PPP1R36: variants seen among roughly 807,000 people sequenced by gnomAD.
PPP1R36 encodes protein phosphatase 1 regulatory subunit 36.
In PPP1R36, 47 loss-of-function variants were observed where a neutral mutation model predicts 53.4. The observed-to-expected ratio is 0.88, with a 90% CI of 0.70 to 1.12. PPP1R36 has a LOEUF of 1.12. Among genes scored for constraint, PPP1R36 ranks in the 50% most tolerant of loss-of-function variants. The pLI is 0.00. For synonymous variants in PPP1R36, 153 were observed against 170.5 expected (o/e 0.90, Z 0.80); for missense variants, 456 against 513.9 (o/e 0.89, Z 1.09).
At chr14:64,573,278 A>C (rs191768560) in intron 7 of PPP1R36, among the ~76,000 whole-genome samples, 1 of 152,326 alleles carries the variant, frequency 6.6e-6, no homozygotes, top group African/African-American at 2.4e-5. Flanking sequence ...TTTGCAATTC[A>C]ATTGGAACTG....
At chr14:64,585,516 CAAAAAA>C (rs57102182) in intron 8 of PPP1R36, among the ~76,000 whole-genome samples, 47,548 of 109,172 alleles carry the variant, frequency 0.44, 9,789 homozygotes, top group East Asian at 0.65. Context: ...GACCCTGTCT[CAAAAAA>C]AAAAAAAAAA....
At chr14:64,551,800 C>T (rs1235335822) in intron 2 of PPP1R36, 1 of 370,596 alleles carries the variant, frequency 2.7e-6, no homozygotes, top group Non-Finnish European at 5.4e-6. Flanking sequence ...CAGGAACTAT[C>T]TTATTCATCC....
chr14:64,582,307 C>T (rs773469120), intron 8 of PPP1R36, among the ~76,000 whole-genome samples: 21 of 152,200 alleles, frequency 1.4e-4, no homozygotes, highest in Non-Finnish European at 2.8e-4. Context: ...GCCCAGAACC[C>T]TGGGTCTAGA....
At chr14:64,551,809 C>T in intron 2 of PPP1R36, 1 of 353,508 alleles carries the variant, frequency 2.8e-6, no homozygotes, top group Non-Finnish European at 5.6e-6. Flanking sequence ...TCTTATTCAT[C>T]CTCAGGTCTC....
In PPP1R36 at chr14:64,564,763, A is replaced by G; in HGVS notation, c.195A>G (p.Ala65=). The G allele has an allele frequency of 6.2e-7, 1 of 1,610,830 alleles. No homozygotes were observed. Among genetic ancestry groups the G allele is most frequent in the Non-Finnish European group, 8.5e-7 (1 of 1,178,826 alleles). Residue 65 remains alanine (A), a synonymous_variant, in exon 4 of 12, where the codon GCA becomes GCG. Coordinates refer to ENST00000298705, the MANE Select transcript of PPP1R36 (RefSeq NM_172365.3). ...ATTTTTATTGCAGTTTTACACCTGC[A>G]GCAGAAGTCAAGGAAAAAGGAAAGA... ...LLKHHPHFTP[A]AEVKEKGKKG...
chr14:64,587,570 C>T (rs991371817), intron 10 of PPP1R36, among the ~76,000 whole-genome samples, 198 bp downstream of exon 10: 22 of 147,140 alleles, frequency 1.5e-4, no homozygotes, highest in African/African-American at 5.5e-4. Context: ...AAGCAATTCT[C>T]CTGTCTCAGC....
chr14:64,561,193 C>G (rs551197860), intron 3 of PPP1R36, among the ~76,000 whole-genome samples: 2 of 152,284 alleles, frequency 1.3e-5, no homozygotes, highest in African/African-American at 2.4e-5. Flanking sequence ...TTTATACCCA[C>G]TAGCCAAGAG....
chr14:64,588,086 C>G lies in PPP1R36; in HGVS notation c.891-18C>G. On this transcript the variant is annotated intron_variant, in intron 10 of 11. Coordinates refer to ENST00000298705, the MANE Select transcript of PPP1R36 (RefSeq NM_172365.3). ...AAACAGGGTGATATGACCTAAATGT[C>G]ACCTTCCTCCCCGACAGGAGAATGA... 3 of 1,580,856 alleles carry G rather than the reference C, an allele frequency of 1.9e-6. No homozygotes were observed. The highest frequency in any genetic ancestry group is 2.6e-6 in the Non-Finnish European group (3 of 1,161,902).
At chr14:64,583,900 CTTT>C (rs912391508) in intron 8 of PPP1R36, among the ~76,000 whole-genome samples, 18 of 120,082 alleles carry the variant, frequency 1.5e-4, no homozygotes, top group Middle Eastern at 4.8e-3. Flanking sequence ...GTTACCTCCT[CTTT>C]TTTTTTTTTT....
rs1023388923 is a variant in PPP1R36 at position 64,567,692 on chromosome 14, C to T, written c.435-657C>T. Among the ~76,000 whole-genome samples, 5 of 151,936 alleles carry T rather than the reference C, an allele frequency of 3.3e-5. No individual in the cohort carries two copies. The East Asian group carries it at 9.7e-4, about 29-fold the overall frequency. ...TTTTTCTTTTTTTGAGATGGAGTCT[C>T]GCTCTTTTGCCCAGGCTGGAGTGCA... is the stretch of plus-strand genomic sequence containing the variant. On this transcript the variant is annotated intron_variant, in intron 6 of 11. Transcript: ENST00000298705.
At chr14:64,567,541 C>T (rs904387637) in intron 6 of PPP1R36, among the ~76,000 whole-genome samples, 2 of 152,028 alleles carry the variant, frequency 1.3e-5, no homozygotes, top group African/African-American at 4.8e-5. Flanking sequence ...TATTACGCCA[C>T]TTATTACCAA....
Position 64,549,983 on chromosome 14 carries a change from T to C in PPP1R36, c.-15T>C. ...GGTATCCTCGGCGACGCCGTATGGC[T>C]TCCAGGGCGAGGCCATGTACCGGGT... is the stretch of plus-strand genomic sequence containing the variant. On this transcript the variant is annotated 5_prime_UTR_variant, in exon 1 of 12. Coordinates refer to ENST00000298705, the MANE Select transcript of PPP1R36 (RefSeq NM_172365.3). The C allele has an allele frequency of 3.2e-6, 5 of 1,560,008 alleles. No homozygotes were observed. The highest frequency in any genetic ancestry group is 4.3e-6 in the Non-Finnish European group (5 of 1,151,802).
In PPP1R36 at chr14:64,582,117, ATCCCT is replaced by A. The variant is rs2080394178; in HGVS notation, c.669-4719_669-4715del. Among the ~76,000 whole-genome samples, 4 of 152,272 alleles carry A rather than the reference ATCCCT, an allele frequency of 2.6e-5. 1 individual carries two copies. The South Asian group carries it at 8.3e-4, about 32-fold the overall frequency. The stretch of plus-strand genomic sequence containing the variant: ...TTTTTGAAACTCAGGTGTGTAAATT[ATCCCT>A]AAGCCCTATTCCTCTACCCTTACCC... On this transcript the variant is annotated intron_variant, in intron 8 of 11. Transcript: ENST00000298705.
chr14:64,561,544 A>G (rs549221449), intron 3 of PPP1R36, among the ~76,000 whole-genome samples: 31 of 152,340 alleles, frequency 2.0e-4, no homozygotes, highest in Non-Finnish European at 3.5e-4. Flanking sequence ...GCCCCTGACT[A>G]GATGGTTATC....
chr14:64,561,756 G>A, intron 3 of PPP1R36: 1 of 455,962 alleles, frequency 2.2e-6, no homozygotes, highest in South Asian at 1.5e-5. Context: ...CTCTGACATA[G>A]TACCTGCTAT....
In PPP1R36 at chr14:64,586,891, ATGTTTTGG is replaced by A. The variant is rs745829055; in HGVS notation, c.711+15_711+22del. 9 of 1,607,708 alleles carry A rather than the reference ATGTTTTGG, an allele frequency of 5.6e-6. No individual in the cohort carries two copies. The African/African-American group carries it at 1.1e-4, about 19-fold the overall frequency. ...GGAAGTTCTTTGAGGTGAGTCACTT[ATGTTTTGG>A]TGCTTTTTGATATGAAACAATATAT... On this transcript the variant is annotated intron_variant, in intron 9 of 11. Coordinates refer to ENST00000298705, the MANE Select transcript of PPP1R36 (RefSeq NM_172365.3).
chr14:64,585,833 T>C (rs1165942163), intron 8 of PPP1R36, among the ~76,000 whole-genome samples: 18 of 152,330 alleles, frequency 1.2e-4, no homozygotes, highest in African/African-American at 4.3e-4. Flanking sequence ...CTCAGTCAAC[T>C]CTCAAGGGCT....
At chr14:64,575,192 C>A (rs12589322) in intron 8 of PPP1R36, among the ~76,000 whole-genome samples, 106,352 of 151,712 alleles carry the variant, frequency 0.7, 39,175 homozygotes, top group East Asian at 0.86. Flanking sequence ...CCAGATCTAC[C>A]TCATGGTCAT....
intron 1 of PPP1R36, chr14:64,550,328 T>G: frequency 7.9e-7 from 1 of 1,265,950 alleles, no homozygotes; most frequent in Non-Finnish European, 1.0e-6. Flanking sequence ...CACCTCTAAT[T>G]GGTTGGTTGC....
Sources: allele counts gnomAD v4.1 joint callset (sites outside exome capture counted in the v4.1 genomes callset), GRCh38; gene constraint gnomAD v4.1.1; transcripts MANE v1.5; gene names NCBI Gene and HGNC (gene_info 2026-07-23, HGNC 2026-07-21).